Variants in DAB1 observed in about 807,000 individuals in gnomAD.
DAB1 encodes disabled homolog 1.
Under a neutral mutation model 64.6 loss-of-function variants are expected in DAB1, and 15 were observed. The observed-to-expected ratio is 0.23, with a 90% CI of 0.16 to 0.36. DAB1 has a LOEUF of 0.36. Among genes scored for constraint, DAB1 ranks in the 10% least tolerant of loss-of-function variants. The pLI is 1.00. For missense variants in DAB1, 596 were observed against 706.7 expected (o/e 0.84, Z 1.78); for synonymous variants, 235 against 251.9 (o/e 0.93, Z 0.64).
At chr1:57,113,520 G>C (rs1457855107) in intron 4 of DAB1, among the ~76,000 whole-genome samples, 1 of 152,142 alleles carries the variant, frequency 6.6e-6, no homozygotes, top group Admixed American at 6.5e-5. Flanking sequence ...ACAACTCAAT[G>C]CTGCCTTTAT....
intron 7 of DAB1, among the ~76,000 whole-genome samples, chr1:57,456,910 C>T (rs1686616875): frequency 6.6e-6 from 1 of 152,206 alleles, no homozygotes; most frequent in South Asian, 2.1e-4. Flanking sequence ...CTCAGAATGC[C>T]ATTTCTAACC....
At chr1:57,222,342 G>C (rs1666944394) in intron 2 of DAB1, among the ~76,000 whole-genome samples, 1 of 152,164 alleles carries the variant, frequency 6.6e-6, no homozygotes, top group Non-Finnish European at 1.5e-5. Flanking sequence ...GTGCTTTAGT[G>C]TGGTGGACAA....
chr1:57,049,450 CAAAA>C (rs574438911), intron 9 of DAB1, among the ~76,000 whole-genome samples: 12 of 24,584 alleles, frequency 4.9e-4, no homozygotes, highest in South Asian at 2.6e-3. Flanking sequence ...GACTCCGTCT[CAAAA>C]AAAAAAAAAA....
chr1:58,396,994 G>A (rs567472492), intron 3 of DAB1, among the ~76,000 whole-genome samples: 1 of 152,132 alleles, frequency 6.6e-6, no homozygotes, highest in East Asian at 1.9e-4. Context: ...GAACCCGGGA[G>A]GCGGAGCTTG....
chr1:57,596,691 C>G (rs1387245575), intron 7 of DAB1, among the ~76,000 whole-genome samples: 1 of 152,102 alleles, frequency 6.6e-6, no homozygotes, highest in African/African-American at 2.4e-5. Flanking sequence ...AGAAAGGATA[C>G]AACAATATTA....
At chr1:58,451,920 CTT>C (rs34824870) in intron 3 of DAB1, among the ~76,000 whole-genome samples, 53 of 137,856 alleles carry the variant, frequency 3.8e-4, no homozygotes, top group Non-Finnish European at 4.7e-4. Context: ...TTTTTCTTTC[CTT>C]TTTTTTTTTT....
chr1:58,006,817 C>T (rs1009697849), intron 5 of DAB1, among the ~76,000 whole-genome samples: 1 of 152,190 alleles, frequency 6.6e-6, no homozygotes. Flanking sequence ...GAAGGTGAAA[C>T]ATGTGGATTC....
At position 58,516,036 on chromosome 1, in the gene DAB1, T is replaced by C. The variant is rs537542624; in HGVS notation, n.108-9827A>G. 8.5e-5 allele frequency among the ~76,000 whole-genome samples: 13 copies of C among 152,336 alleles called. 2 individuals are homozygous for C. The South Asian group carries it at 2.7e-3, about 32-fold the overall frequency. On this transcript the variant is annotated intron_variant and non_coding_transcript_variant, in intron 2 of 20. Coordinates refer to the DAB1 transcript ENST00000485760. ...GTTATCTCAGGTTACTTGAGGAAAC[T>C]AGCAGGCCACGTTTCCCAAAAGGGC...
chr1:57,406,427 T>C lies in DAB1; in HGVS notation c.-137+17503A>G, dbSNP rs185172024. On this transcript the variant is annotated intron_variant, in intron 1 of 14. Coordinates refer to ENST00000371236, the MANE Select transcript of DAB1 (RefSeq NM_001365792.1). ...CTTCCCTGTCTCTTCCTGGGTCTTGTGGGAAAAAGTCTGTGGCTTTTATAG... is the reference window on the plus strand; with the variant it reads ...CTTCCCTGTCTCTTCCTGGGTCTTGCGGGAAAAAGTCTGTGGCTTTTATAG... 1.7e-3 allele frequency among the ~76,000 whole-genome samples: 261 copies of C among 152,332 alleles called. 6 individuals are homozygous for C. Among genetic ancestry groups the C allele is most frequent in the Non-Finnish European group, 2.6e-4 (18 of 68,038 alleles).
chr1:57,856,651 C>G (rs1447319506), intron 1 of DAB1, among the ~76,000 whole-genome samples: 2 of 152,100 alleles, frequency 1.3e-5, no homozygotes, highest in African/African-American at 4.8e-5. Context: ...GTAATCTCAG[C>G]TACACGGGAG....
At chr1:57,402,277 G>C (rs1413000548) in intron 1 of DAB1, among the ~76,000 whole-genome samples, 4 of 152,196 alleles carry the variant, frequency 2.6e-5, no homozygotes, top group African/African-American at 7.2e-5. Flanking sequence ...GGCTGAGCAA[G>C]AGCAGTAAAA....
intron 4 of DAB1, among the ~76,000 whole-genome samples, chr1:58,280,840 G>C (rs112739980): frequency 4.1e-4 from 62 of 152,306 alleles, no homozygotes; most frequent in African/African-American, 1.4e-3. Flanking sequence ...GCACCATCTA[G>C]TTACAGAAGC....
chr1:57,426,877 T>A (rs1175923032), upstream of DAB1, among the ~76,000 whole-genome samples: 2 of 150,886 alleles, frequency 1.3e-5, no homozygotes, highest in Non-Finnish European at 3.0e-5. Flanking sequence ...TATATATATT[T>A]TTTTGAGACA....
chr1:57,700,840 T>C (rs1224200938), intron 6 of DAB1, among the ~76,000 whole-genome samples: 5 of 152,234 alleles, frequency 3.3e-5, no homozygotes, highest in African/African-American at 1.2e-4. Context: ...ACTCTTATGA[T>C]GTAATTTTCT....
intron 3 of DAB1, among the ~76,000 whole-genome samples, chr1:58,350,931 G>C (rs994781000): frequency 6.6e-6 from 1 of 152,138 alleles, no homozygotes; most frequent in Non-Finnish European, 1.5e-5. Context: ...GTTTGTCTTG[G>C]CTATGCAGGC....
intron 4 of DAB1, among the ~76,000 whole-genome samples, chr1:58,325,404 C>T (rs1048041693): frequency 6.6e-6 from 1 of 152,194 alleles, no homozygotes; most frequent in Non-Finnish European, 1.5e-5. Context: ...AACCTCCTTA[C>T]CTCTCTAAAC....
intron 9 of DAB1, among the ~76,000 whole-genome samples, chr1:57,041,025 T>C (rs12033358): frequency 0.21 from 32,353 of 152,002 alleles, 4,415 homozygotes; most frequent in Middle Eastern, 0.35. Context: ...TGGAGGGAGC[T>C]GAAATCAAGC....
chr1:57,753,967 G>C lies in DAB1; in HGVS notation n.552-104302C>G, dbSNP rs140189924. Reference sequence around the variant, plus strand: ...GCAGAGATACAATCACCCATACAGAGTCTAATCTTTCCAGTTTAGAAGTGG... The same window carrying C: ...GCAGAGATACAATCACCCATACAGACTCTAATCTTTCCAGTTTAGAAGTGG... On this transcript the variant is annotated intron_variant and non_coding_transcript_variant, in intron 6 of 20. Coordinates refer to the DAB1 transcript ENST00000485760. 7.2e-4 allele frequency among the ~76,000 whole-genome samples: 109 copies of C among 152,302 alleles called. 3 individuals are homozygous for C. In the East Asian group the frequency reaches 0.02, roughly 28 times the overall value.
intron 7 of DAB1, among the ~76,000 whole-genome samples, chr1:57,438,337 G>A (rs1685777197): frequency 6.6e-6 from 1 of 152,110 alleles, no homozygotes; most frequent in South Asian, 2.1e-4. Context: ...ATCTCATTAA[G>A]TGTACAGTAC....
Sources: allele counts gnomAD v4.1 joint callset (sites outside exome capture counted in the v4.1 genomes callset), GRCh38; gene constraint gnomAD v4.1.1; transcripts MANE v1.5; gene names NCBI Gene and HGNC (gene_info 2026-07-23, HGNC 2026-07-21).